Variants in BCKDHB observed in about 807,000 individuals in gnomAD.
The protein encoded by BCKDHB is 2-oxoisovalerate dehydrogenase subunit beta, mitochondrial.
A neutral mutation model predicts 48.5 loss-of-function variants in BCKDHB; 41 were observed. The ratio of observed to expected loss-of-function variants is 0.85; its 90% CI spans 0.66 to 1.10. The LOEUF (loss-of-function observed/expected upper bound fraction) is 1.10. Ranked by LOEUF, BCKDHB falls within the 50% of genes least tolerant of loss-of-function variation. The pLI is 0.00. For missense variants in BCKDHB, 496 were observed against 494.2 expected, an observed-to-expected ratio of 1.00 and a Z score of -0.03; for synonymous variants, 201 against 174.8, an observed-to-expected ratio of 1.15 and a Z score of -1.18.
chr6:80,185,437 T>C (rs1773598706), intron 6 of BCKDHB, among the ~76,000 whole-genome samples: 1 of 152,196 alleles, frequency 6.6e-6, no homozygotes, highest in African/African-American at 2.4e-5. Context: ...GGGATTTTTT[T>C]CTTCGTTTGA....
At chr6:80,259,352 AG>A (rs1185391510) in intron 8 of BCKDHB, among the ~76,000 whole-genome samples, 1 of 152,224 alleles carries the variant, frequency 6.6e-6, no homozygotes, top group Admixed American at 6.5e-5. Flanking sequence ...TGGCAGTCCC[AG>A]GGTAAAGTGA....
At chr6:80,458,157 G>A in the BCKDHB span, among the ~76,000 whole-genome samples, 1 of 152,176 alleles carries the variant, frequency 6.6e-6, no homozygotes, top group Non-Finnish European at 1.5e-5. Flanking sequence ...AAAGCCAGGA[G>A]TGTTGAAGGA....
At chr6:80,156,724 A>C (rs1772059390) in intron 3 of BCKDHB, among the ~76,000 whole-genome samples, 1 of 152,194 alleles carries the variant, frequency 6.6e-6, no homozygotes. Context: ...TGTTGTGTAC[A>C]GTGCATTTAG....
intron 8 of BCKDHB, among the ~76,000 whole-genome samples, chr6:80,215,521 A>T (rs1049049570): frequency 1.3e-5 from 2 of 152,214 alleles, no homozygotes; most frequent in African/African-American, 4.8e-5. Context: ...AGAGTTTAGA[A>T]TATAGTAGAT....
At chr6:80,412,249 T>A in the BCKDHB span, among the ~76,000 whole-genome samples, 7 of 151,694 alleles carry the variant, frequency 4.6e-5, no homozygotes, top group African/African-American at 1.7e-4. Context: ...GTTCAAGTGA[T>A]TCTGCTGCCT....
intron 9 of BCKDHB, among the ~76,000 whole-genome samples, chr6:80,281,984 G>C (rs1351144437): frequency 6.6e-6 from 1 of 152,086 alleles, no homozygotes; most frequent in African/African-American, 2.4e-5. Context: ...CTGTTACAGA[G>C]AAATATATTT....
chr6:80,121,801 CAG>C (rs1202535241), intron 1 of BCKDHB, among the ~76,000 whole-genome samples: 3 of 152,142 alleles, frequency 2.0e-5, no homozygotes, highest in Non-Finnish European at 4.4e-5. Flanking sequence ...CATCTGCAAA[CAG>C]GGACAATTTT....
At chr6:80,128,928 T>C (rs1413742186) in intron 2 of BCKDHB, among the ~76,000 whole-genome samples, 1 of 151,106 alleles carries the variant, frequency 6.6e-6, no homozygotes, top group Non-Finnish European at 1.5e-5. Context: ...ATCCAGTGGG[T>C]AGAGACCAGG....
downstream of BCKDHB, among the ~76,000 whole-genome samples, chr6:80,349,680 GA>G (rs1770341057): frequency 6.6e-6 from 1 of 152,028 alleles, no homozygotes; most frequent in African/African-American, 2.4e-5. Flanking sequence ...CAAAATAGAA[GA>G]AAATATGCAT....
intron 3 of BCKDHB, among the ~76,000 whole-genome samples, chr6:80,164,245 T>C (rs139274643): frequency 1.3e-5 from 2 of 152,334 alleles, no homozygotes; most frequent in African/African-American, 4.8e-5. Flanking sequence ...CCTACTACTC[T>C]TTCTTTTACT....
chr6:80,373,973 C>G, the BCKDHB span: 1 of 563,374 alleles, frequency 1.8e-6, no homozygotes, highest in African/African-American at 1.9e-5. Context: ...CATTCTGTGT[C>G]TTTTCTTTTT....
At chr6:80,359,404 G>A in the BCKDHB span, among the ~76,000 whole-genome samples, 144 of 152,212 alleles carry the variant, frequency 9.5e-4, no homozygotes, top group Non-Finnish European at 2.1e-4. Flanking sequence ...CACCCTTCCC[G>A]TGGTGAACTG....
At chr6:80,442,843 T>C in the BCKDHB span, among the ~76,000 whole-genome samples, 2 of 152,132 alleles carry the variant, frequency 1.3e-5, no homozygotes, top group South Asian at 2.1e-4. Context: ...TAGATCCATA[T>C]TACAAATAAA....
the BCKDHB span, among the ~76,000 whole-genome samples, chr6:80,455,930 A>C: frequency 1.3e-5 from 2 of 152,150 alleles, no homozygotes; most frequent in Admixed American, 6.6e-5. Context: ...CGTTCTTTTA[A>C]ATAACAAACC....
At chr6:80,401,178 A>C in the BCKDHB span, among the ~76,000 whole-genome samples, 1 of 151,950 alleles carries the variant, frequency 6.6e-6, no homozygotes, top group Non-Finnish European at 1.5e-5. Flanking sequence ...GAGTTTACCT[A>C]TATAGCAAAC....
At chr6:80,247,535 A>T (rs1045562544) in intron 8 of BCKDHB, among the ~76,000 whole-genome samples, 1 of 152,222 alleles carries the variant, frequency 6.6e-6, no homozygotes, top group Non-Finnish European at 1.5e-5. Flanking sequence ...CTTTTGATCA[A>T]AGTTTAAATT....
At chr6:80,149,760 T>C (rs7383116) in intron 3 of BCKDHB, among the ~76,000 whole-genome samples, 54,231 of 145,128 alleles carry the variant, frequency 0.37, 11,835 homozygotes, top group Admixed American at 0.57. Context: ...TTCTCACTCA[T>C]AGGTGGGAAT....
chr6:80,192,898 A>C (rs1344859575), intron 6 of BCKDHB, among the ~76,000 whole-genome samples: 1 of 150,860 alleles, frequency 6.6e-6, no homozygotes, highest in Non-Finnish European at 1.5e-5. Context: ...AGCTCACTGC[A>C]ACCTCCATCT....
intron 3 of BCKDHB, among the ~76,000 whole-genome samples, chr6:80,160,608 A>G (rs1236916428): frequency 5.9e-5 from 9 of 152,346 alleles, no homozygotes; most frequent in Admixed American, 4.6e-4. Flanking sequence ...TGATTTTAAT[A>G]TGAAGTTTAG....
Sources: allele counts gnomAD v4.1 joint callset (sites outside exome capture counted in the v4.1 genomes callset), GRCh38; gene constraint gnomAD v4.1.1; transcripts MANE v1.5; gene names NCBI Gene and HGNC (gene_info 2026-07-23, HGNC 2026-07-21).